Variants in LCTL observed in about 807,000 individuals in gnomAD.
The protein encoded by LCTL is lactase like.
A neutral mutation model predicts 75.8 loss-of-function variants in LCTL; 76 were observed. That is an observed-to-expected ratio of 1.00 (90% confidence interval 0.83 to 1.21). The LOEUF (loss-of-function observed/expected upper bound fraction) is 1.21. Ranked by LOEUF, LCTL falls within the 50% of genes most tolerant of loss-of-function variation. The pLI, the probability that LCTL is intolerant of heterozygous loss-of-function variation, is 0.00. For synonymous variants in LCTL, 271 were observed against 268.8 expected (o/e 1.01, Z -0.08); for missense variants, 670 against 712.4 (o/e 0.94, Z 0.68).
At chr15:66,561,294 C>A in exon 5 of LCTL, 1 of 1,614,250 alleles carries the variant, frequency 6.2e-7, no homozygotes, top group Non-Finnish European at 8.5e-7. Context: ...TTCTGCCACC[C>A]ACCGTATTTG....
chr15:66,549,328 A>C (rs992333727), intron 12 of LCTL: 2 of 152,178 alleles, frequency 1.3e-5, no homozygotes, highest in African/African-American at 4.8e-5. Context: ...GGGGGATTGC[A>C]TGTTGCTTTA....
chr15:66,549,982 GAT>G, intron 12 of LCTL, 57 bp downstream of exon 13: 1 of 1,130,978 alleles, frequency 8.8e-7, no homozygotes, highest in Non-Finnish European at 1.2e-6. Flanking sequence ...TTTTGAAAAT[GAT>G]ATGTATAATT....
chr15:66,551,690 A>T (rs755271929), exon 11 of LCTL: 12 of 1,614,108 alleles, frequency 7.4e-6, no homozygotes, highest in Non-Finnish European at 8.5e-6. Context: ...CCCATTGGCA[A>T]TGATAATCTT....
At chr15:66,557,990 T>G in exon 7 of LCTL, 2 of 1,607,912 alleles carry the variant, frequency 1.2e-6, no homozygotes, top group South Asian at 2.2e-5. Flanking sequence ...ACCTTGCTGC[T>G]TGCTGCGCCA....
chr15:66,551,610 T>G, intron 11 of LCTL, 52 bp downstream of exon 12: 1 of 1,436,138 alleles, frequency 7.0e-7, no homozygotes, highest in African/African-American at 1.4e-5. Flanking sequence ...GTGTTCCAGC[T>G]ATCTAGCTCT....
At position 66,564,660 on chromosome 15, in the gene LCTL, C is replaced by A; in HGVS notation, c.282+16G>T. 1 of 1,609,534 alleles carries A rather than the reference C, an allele frequency of 6.2e-7. No homozygotes were observed. The highest frequency in any genetic ancestry group is 1.1e-5 in the South Asian group (1 of 90,990). On this transcript the variant is annotated intron_variant, in intron 2 of 12. Coordinates refer to ENST00000341509, the Ensembl canonical transcript of LCTL. Reference sequence around the variant, plus strand: ...GCACGCGCGCGCACACACACACACTCACACCCCGCACTCACCTGGACCTTG... The same window carrying A: ...GCACGCGCGCGCACACACACACACTAACACCCCGCACTCACCTGGACCTTG...
intron 9 of LCTL, among the ~76,000 whole-genome samples, chr15:66,552,711 C>T (rs1895639640): frequency 1.4e-5 from 2 of 146,798 alleles, no homozygotes; most frequent in African/African-American, 5.0e-5. Flanking sequence ...GGGACATGTA[C>T]TTTGGTCTTG....
intron 11 of LCTL, among the ~76,000 whole-genome samples, chr15:66,551,323 G>A (rs937911754): frequency 2.2e-5 from 3 of 135,396 alleles, no homozygotes; most frequent in African/African-American, 8.4e-5. Context: ...CTCCAACCTG[G>A]CGACAGAGTG....
chr15:66,565,471 G>T, exon 1 of LCTL: 1 of 684,880 alleles, frequency 1.5e-6, no homozygotes, highest in Non-Finnish European at 2.5e-6. Context: ...CAAGTGGGGA[G>T]AGGAAGGGAA....
At chr15:66,565,586 A>C (rs1171521840), upstream of LCTL, 37 of 519,170 alleles carry the variant, frequency 7.1e-5, no homozygotes, top group Non-Finnish European at 1.1e-4. Context: ...ACTCCAAACT[A>C]TCCCTTCTCC....
intron 11 of LCTL, among the ~76,000 whole-genome samples, chr15:66,551,373 C>CA (rs1193082480): frequency 1.6e-5 from 2 of 126,582 alleles, no homozygotes; most frequent in South Asian, 5.3e-4. Flanking sequence ...AAAAAAAAGA[C>CA]ACGAGATTTA....
At chr15:66,564,953 C>T in intron 1 of LCTL, 114 bp from the exon 3 acceptor site, 1 of 942,692 alleles carries the variant, frequency 1.1e-6, no homozygotes. Context: ...CACGCTGCCC[C>T]TGTCCCACTG....
chr15:66,560,105 G>C (rs1895850452), intron 6 of LCTL, among the ~76,000 whole-genome samples: 1 of 152,060 alleles, frequency 6.6e-6, no homozygotes, highest in African/African-American at 2.4e-5. Context: ...AAAATCTTGA[G>C]AGCTCTGCCC....
chr15:66,548,456 T>A (rs778088311), exon 13 of LCTL: 13 of 1,183,752 alleles, frequency 1.1e-5, no homozygotes, highest in Non-Finnish European at 1.6e-5. Flanking sequence ...TCCTGAAGAT[T>A]CTCTTATGAA....
chr15:66,565,671 G>A (rs950451522), upstream of LCTL, among the ~76,000 whole-genome samples: 4 of 152,124 alleles, frequency 2.6e-5, no homozygotes, highest in Admixed American at 6.5e-5. Flanking sequence ...GGGAAACCAC[G>A]TCTACCTCAG....
At chr15:66,563,530 A>C in exon 4 of LCTL, 1 of 1,611,706 alleles carries the variant, frequency 6.2e-7, no homozygotes. Flanking sequence ...GGCAGATCCC[A>C]GTGGTGCAAG....
exon 10 of LCTL, chr15:66,552,076 A>G: frequency 6.2e-7 from 1 of 1,613,188 alleles, no homozygotes; most frequent in Non-Finnish European, 8.5e-7. Flanking sequence ...CCTTTAAGGT[A>G]TTGAATTCTC....
intron 8 of LCTL, among the ~76,000 whole-genome samples, chr15:66,555,234 G>A (rs113652993): frequency 0.024 from 3,707 of 152,212 alleles, 66 homozygotes; most frequent in Non-Finnish European, 0.035. Flanking sequence ...TGATACAATA[G>A]CCACTAGCTG....
chr15:66,564,737 T>C (rs182665274), exon 2 of LCTL: 1 of 1,613,452 alleles, frequency 6.2e-7, no homozygotes, highest in African/African-American at 1.3e-5. Context: ...CACTTTCCCC[T>C]TCCCACTGTG....
Sources: allele counts gnomAD v4.1 joint callset (sites outside exome capture counted in the v4.1 genomes callset), GRCh38; gene constraint gnomAD v4.1.1; transcripts MANE v1.5; gene names NCBI Gene and HGNC (gene_info 2026-07-23, HGNC 2026-07-21).